NCOA2: variants seen among roughly 807,000 people sequenced by gnomAD.
NCOA2 encodes the protein class E basic helix-loop-helix protein 75.
Under a neutral mutation model 145.1 loss-of-function variants are expected in NCOA2, and 21 were observed. The observed-to-expected ratio is 0.14, with a 90% CI of 0.10 to 0.21. The LOEUF (loss-of-function observed/expected upper bound fraction) is 0.21, where lower values mean the gene tolerates loss of function less well. NCOA2 is among the 10% of genes least tolerant of loss of function. NCOA2 has a pLI of 1.00. For missense variants in NCOA2, 1,472 were observed against 1,837.6 expected (o/e 0.80, Z 3.64); for synonymous variants, 619 against 637.5 (o/e 0.97, Z 0.44).
Position 70,185,050 on chromosome 8 carries a change from C to T in NCOA2, c.260-10191G>A, listed in dbSNP as rs371057803. Among the ~76,000 whole-genome samples, 16 of 152,296 alleles carry T rather than the reference C, an allele frequency of 1.1e-4. No homozygotes were observed. In the East Asian group the frequency reaches 3.1e-3, roughly 29 times the overall value. ...TTGTGTTTTTCTCCCATCTGGTTAT[C>T]TTTTCCTTCCAGTTTCTCTCTACAG... On this transcript the variant is annotated intron_variant, in intron 4 of 22. Coordinates refer to ENST00000452400, the MANE Select transcript of NCOA2 (RefSeq NM_006540.4).
At chr8:70,198,049 C>A (rs1817519517) in intron 4 of NCOA2, among the ~76,000 whole-genome samples, 1 of 152,098 alleles carries the variant, frequency 6.6e-6, no homozygotes, top group Admixed American at 6.5e-5. Flanking sequence ...GATCCTCCTG[C>A]CTTGGCCTCC....
upstream of NCOA2, chr8:70,403,947 G>A (rs1309315805): frequency 2.7e-6 from 1 of 376,758 alleles, no homozygotes; most frequent in East Asian, 3.7e-5. Flanking sequence ...TCGGGAGCCA[G>A]GCCGTCCCTC....
chr8:70,160,772 T>C (rs1812895060), intron 9 of NCOA2, among the ~76,000 whole-genome samples: 1 of 152,220 alleles, frequency 6.6e-6, no homozygotes, highest in African/African-American at 2.4e-5. Context: ...ATGACTCCTC[T>C]CTGCAGTTTC....
intron 1 of NCOA2, among the ~76,000 whole-genome samples, chr8:70,325,941 GA>G (rs1006904808): frequency 6.6e-6 from 1 of 152,014 alleles, no homozygotes; most frequent in Admixed American, 6.6e-5. Context: ...CTCTCCCTGG[GA>G]CACACCTACC....
At chr8:70,145,239 C>T (rs1810907774) in intron 12 of NCOA2, among the ~76,000 whole-genome samples, 1 of 152,180 alleles carries the variant, frequency 6.6e-6, no homozygotes, top group Non-Finnish European at 1.5e-5. Flanking sequence ...CTCATTACAA[C>T]CTCTGCCTCC....
intron 2 of NCOA2, among the ~76,000 whole-genome samples, chr8:70,269,016 G>A (rs541939451): frequency 3.0e-4 from 46 of 152,160 alleles, no homozygotes; most frequent in African/African-American, 1.0e-3. Context: ...TAGAAAAAGC[G>A]TGGAAAGTAA....
chr8:70,285,070 GTGACTACCTA>G (rs1161272713), intron 2 of NCOA2, among the ~76,000 whole-genome samples: 3 of 152,136 alleles, frequency 2.0e-5, no homozygotes, highest in Non-Finnish European at 4.4e-5. Flanking sequence ...GTAGCTACAG[GTGACTACCTA>G]TAAAAAGGAC....
chr8:70,223,299 T>C (rs1039944172), intron 2 of NCOA2, among the ~76,000 whole-genome samples: 7 of 152,214 alleles, frequency 4.6e-5, no homozygotes, highest in Non-Finnish European at 1.0e-4. Flanking sequence ...TGTTATGAGA[T>C]TAAAAAATGA....
chr8:70,405,274 GTGTT>G (rs1165908627), upstream of NCOA2, among the ~76,000 whole-genome samples: 19 of 151,998 alleles, frequency 1.3e-4, no homozygotes, highest in East Asian at 5.8e-4. Context: ...GTGTGTGTCT[GTGTT>G]TGTTTGTGGA....
chr8:70,231,048 T>C (rs1190895541), intron 2 of NCOA2, among the ~76,000 whole-genome samples: 1 of 152,242 alleles, frequency 6.6e-6, no homozygotes, highest in African/African-American at 2.4e-5. Context: ...TTGATCCACA[T>C]TTCTGATTAT....
chr8:70,405,722 T>G (rs1310453772), upstream of NCOA2, among the ~76,000 whole-genome samples: 1 of 152,086 alleles, frequency 6.6e-6, no homozygotes, highest in African/African-American at 2.4e-5. Flanking sequence ...TTGCTTGCTA[T>G]CCCTCCCATT....
intron 2 of NCOA2, among the ~76,000 whole-genome samples, chr8:70,265,915 G>C (rs965676149): frequency 2.6e-5 from 4 of 152,064 alleles, no homozygotes; most frequent in African/African-American, 9.7e-5. Context: ...GGAGGCTGAG[G>C]GATCACGAGA....
the NCOA2 span, among the ~76,000 whole-genome samples, chr8:70,450,573 C>CTTTTTTTTTATTTTTTTTTT: frequency 1.1e-5 from 1 of 94,650 alleles, no homozygotes; most frequent in Non-Finnish European, 1.9e-5. Flanking sequence ...TCTTTTTATT[C>CTTTTTTTTTATTTTTTTTTT]TTTTTTTTTT....
At chr8:70,298,636 C>T (rs186669813) in intron 1 of NCOA2, among the ~76,000 whole-genome samples, 326 of 152,248 alleles carry the variant, frequency 2.1e-3, no homozygotes, top group Non-Finnish European at 3.8e-3. Context: ...TATTATGCAA[C>T]AATCAGGAGC....
intron 1 of NCOA2, among the ~76,000 whole-genome samples, chr8:70,363,518 T>C (rs901451329): frequency 2.0e-5 from 3 of 152,184 alleles, no homozygotes; most frequent in African/African-American, 7.2e-5. Context: ...TTATTCATAA[T>C]TGCTAGAAAC....
chr8:70,375,391 G>A (rs1811579935), intron 1 of NCOA2, among the ~76,000 whole-genome samples: 1 of 152,148 alleles, frequency 6.6e-6, no homozygotes, highest in Non-Finnish European at 1.5e-5. Context: ...GAAATTTGCA[G>A]TGGCATCAGG....
intron 4 of NCOA2, among the ~76,000 whole-genome samples, chr8:70,197,756 C>A (rs1203012856): frequency 6.6e-6 from 1 of 151,782 alleles, no homozygotes; most frequent in Non-Finnish European, 1.5e-5. Flanking sequence ...TGTTCTTTTT[C>A]TTCATTATTC....
chr8:70,163,024 T>C (rs1813220365), intron 8 of NCOA2, among the ~76,000 whole-genome samples, 170 bp from the exon 9 acceptor site: 1 of 150,552 alleles, frequency 6.6e-6, no homozygotes, highest in Non-Finnish European at 1.5e-5. Flanking sequence ...AAACGACTCT[T>C]GTGAATCAGA....
At chr8:70,413,416 G>A in the NCOA2 span, among the ~76,000 whole-genome samples, 3 of 151,940 alleles carry the variant, frequency 2.0e-5, no homozygotes, top group Non-Finnish European at 4.4e-5. Flanking sequence ...CACTACATCC[G>A]GGAACTAAAG....
Sources: allele counts gnomAD v4.1 joint callset (sites outside exome capture counted in the v4.1 genomes callset), GRCh38; gene constraint gnomAD v4.1.1; transcripts MANE v1.5; gene names NCBI Gene and HGNC (gene_info 2026-07-23, HGNC 2026-07-21).